CFAP61: variants seen among roughly 807,000 people sequenced by gnomAD.
CFAP61 encodes the protein cilia and flagella associated protein 61, also known as cilia- and flagella-associated protein 61.
CFAP61 carries 107 observed loss-of-function variants against 135.6 expected under a neutral mutation model. The ratio of observed to expected loss-of-function variants is 0.79; its 90% CI spans 0.67 to 0.93. The LOEUF (loss-of-function observed/expected upper bound fraction) is 0.93. CFAP61 is among the 40% of genes least tolerant of loss of function. CFAP61 has a pLI of 0.00. For synonymous variants in CFAP61, 575 were observed against 578.5 expected, an observed-to-expected ratio of 0.99 and a Z score of 0.09; for missense variants, 1,507 against 1,556.2, an observed-to-expected ratio of 0.97 and a Z score of 0.53.
chr20:20,197,474 A>G (rs2056370478), intron 16 of CFAP61, among the ~76,000 whole-genome samples: 1 of 152,158 alleles, frequency 6.6e-6, no homozygotes, highest in East Asian at 1.9e-4. Context: ...GAACGCAGCC[A>G]TGCTTTTATC....
intron 8 of CFAP61, among the ~76,000 whole-genome samples, chr20:20,122,674 A>G (rs1026737619): frequency 5.3e-5 from 8 of 152,274 alleles, no homozygotes; most frequent in African/African-American, 1.7e-4. Context: ...ATTGATGGCA[A>G]TTTGGGTTGG....
chr20:20,246,037 T>G (rs1425834618), intron 18 of CFAP61, 80 bp from the exon 19 acceptor site: 2 of 866,000 alleles, frequency 2.3e-6, no homozygotes, highest in Non-Finnish European at 3.8e-6. Flanking sequence ...ACACGTGATA[T>G]AAAGTTAAAT....
At chr20:20,260,629 A>C (rs1281614582) in intron 20 of CFAP61, among the ~76,000 whole-genome samples, 1 of 152,226 alleles carries the variant, frequency 6.6e-6, no homozygotes, top group African/African-American at 2.4e-5. Context: ...ATTACATTTC[A>C]AGATTGTAGT....
intron 26 of CFAP61, among the ~76,000 whole-genome samples, chr20:20,355,101 G>GTGAGAGGGAAGGTGGTCACAC (rs2059030538): frequency 2.1e-5 from 3 of 144,462 alleles, no homozygotes; most frequent in African/African-American, 2.6e-5. Context: ...TGGTCACACT[G>GTGAGAGGGAAGGTGGTCACAC]TGTGAGGGGA....
intron 8 of CFAP61, among the ~76,000 whole-genome samples, chr20:20,142,213 T>C (rs1479523484): frequency 6.6e-6 from 1 of 152,208 alleles, no homozygotes; most frequent in East Asian, 1.9e-4. Flanking sequence ...TAAGCTACCC[T>C]GATTATTGAC....
At chr20:20,075,653 A>G in intron 6 of CFAP61, 38 bp downstream of exon 6, 2 of 1,607,640 alleles carry the variant, frequency 1.2e-6, no homozygotes, top group Non-Finnish European at 1.7e-6. Context: ...CCTAAGCTTC[A>G]CTGGGACAGT....
intron 18 of CFAP61, among the ~76,000 whole-genome samples, chr20:20,234,455 G>A (rs754796378): frequency 1.3e-5 from 2 of 152,222 alleles, no homozygotes; most frequent in Non-Finnish European, 2.9e-5. Context: ...AGAAGCAAGG[G>A]TTAGGTAAGA....
chr20:20,287,453 C>A (rs1258858842), intron 22 of CFAP61, among the ~76,000 whole-genome samples: 1 of 152,182 alleles, frequency 6.6e-6, no homozygotes, highest in East Asian at 1.9e-4. Flanking sequence ...AACTGAGGAA[C>A]CGAATTTTTC....
intron 6 of CFAP61, among the ~76,000 whole-genome samples, chr20:20,082,045 T>C (rs1460948532): frequency 1.3e-5 from 2 of 152,194 alleles, no homozygotes; most frequent in African/African-American, 4.8e-5. Context: ...ATTTCATGTA[T>C]CTGGAGATTG....
At chr20:20,288,459 C>G in intron 22 of CFAP61, 150 bp from the exon 23 acceptor site, 1 of 647,718 alleles carries the variant, frequency 1.5e-6, no homozygotes, top group South Asian at 1.8e-5. Flanking sequence ...CAATCTATCT[C>G]TCATACGCAC....
In CFAP61 at chr20:20,358,614, A is replaced by G. The variant is rs140635550; in HGVS notation, c.3514-1596A>G. 1.3e-3 allele frequency among the ~76,000 whole-genome samples: 192 copies of G among 152,332 alleles called. 1 individual carries two copies. The highest frequency in any genetic ancestry group is 0.01 in the Middle Eastern group (3 of 294). On this transcript the variant is annotated intron_variant, in intron 26 of 26. Transcript: ENST00000245957. ...CAGAACCTCCCAGTACTTAGTTGTG[A>G]GAATCAGTTGCTTTTTCCCTATCAC...
chr20:20,175,873 T>C (rs1028464297), intron 13 of CFAP61, among the ~76,000 whole-genome samples: 2 of 151,888 alleles, frequency 1.3e-5, no homozygotes, highest in African/African-American at 4.8e-5. Flanking sequence ...TGGTAGAAAA[T>C]AATTGTGATT....
intron 20 of CFAP61, among the ~76,000 whole-genome samples, chr20:20,259,078 T>C (rs1471466988): frequency 6.6e-6 from 1 of 152,116 alleles, no homozygotes; most frequent in African/African-American, 2.4e-5. Flanking sequence ...TAAAAGTCAT[T>C]ACCACAGAGA....
chr20:20,181,186 CATATATATGT>C lies in CFAP61; in HGVS notation c.1386-6726_1386-6717del, dbSNP rs995669501. Among the ~76,000 whole-genome samples, 6 of 114,372 alleles carry C rather than the reference CATATATATGT, an allele frequency of 5.2e-5. No homozygotes were observed. In the East Asian group the frequency reaches 1.1e-3, roughly 21 times the overall value. 75.0% of individuals were successfully genotyped at this position (114,372 alleles called of 152,430 possible). ...AGTTATATATATACACATATATATG[CATATATATGT>C]ATATATATGTATATATACATATGTG... On this transcript the variant is annotated intron_variant, in intron 13 of 26. Transcript: ENST00000245957.
At chr20:20,104,314 G>A (rs1222320591) in intron 8 of CFAP61, among the ~76,000 whole-genome samples, 1 of 150,976 alleles carries the variant, frequency 6.6e-6, no homozygotes, top group East Asian at 1.9e-4. Context: ...TCAATTTTAT[G>A]TCTTGTTTTA....
intron 4 of CFAP61, among the ~76,000 whole-genome samples, chr20:20,074,667 T>C (rs111984936): frequency 0.016 from 2,509 of 152,316 alleles, 72 homozygotes; most frequent in African/African-American, 0.057. Flanking sequence ...TGTCGCAAGC[T>C]TGGACATTTC....
chr20:20,158,076 C>G (rs988066142), intron 9 of CFAP61, among the ~76,000 whole-genome samples: 1 of 147,934 alleles, frequency 6.8e-6, no homozygotes, highest in African/African-American at 2.5e-5. Context: ...GAATATCACA[C>G]TCTGGGGACT....
At chr20:20,053,422 T>C (rs2043934914) in intron 1 of CFAP61, among the ~76,000 whole-genome samples, 1 of 152,190 alleles carries the variant, frequency 6.6e-6, no homozygotes, top group Non-Finnish European at 1.5e-5. Context: ...GAACCTACAT[T>C]GACACATCAT....
At chr20:20,250,269 C>T (rs1194663636) in intron 19 of CFAP61, among the ~76,000 whole-genome samples, 1 of 152,188 alleles carries the variant, frequency 6.6e-6, no homozygotes, top group African/African-American at 2.4e-5. Context: ...TCTTCACATA[C>T]GCATCCTGCC....
Sources: allele counts gnomAD v4.1 joint callset (sites outside exome capture counted in the v4.1 genomes callset), GRCh38; gene constraint gnomAD v4.1.1; transcripts MANE v1.5; gene names NCBI Gene and HGNC (gene_info 2026-07-23, HGNC 2026-07-21).